Variants in SCAP observed in about 807,000 individuals in gnomAD.
SCAP encodes sterol regulatory element-binding protein cleavage-activating protein.
Under a neutral mutation model 123.6 loss-of-function variants are expected in SCAP, and 65 were observed. That is an observed-to-expected ratio of 0.53 (90% CI 0.43 to 0.65). The LOEUF (loss-of-function observed/expected upper bound fraction) is 0.65, where lower values mean the gene tolerates loss of function less well. Among genes scored for constraint, SCAP ranks in the 30% least tolerant of loss-of-function variants. SCAP has a pLI of 0.00. For synonymous variants in SCAP, 740 were observed against 726.3 expected (o/e 1.02, Z -0.30); for missense variants, 1,398 against 1,712.5 (o/e 0.82, Z 3.24).
At chr3:47,472,033 G>C (rs1425624561) in intron 1 of SCAP, among the ~76,000 whole-genome samples, 1 of 151,902 alleles carries the variant, frequency 6.6e-6, no homozygotes, top group Non-Finnish European at 1.5e-5. Context: ...CCAGCTACTC[G>C]GGAGGCTGAG....
intron 1 of SCAP, among the ~76,000 whole-genome samples, chr3:47,475,168 C>T (rs561238862): frequency 9.2e-5 from 14 of 152,232 alleles, no homozygotes; most frequent in African/African-American, 2.6e-4. Context: ...ACTGCCCCCC[C>T]CTCCGCATTC....
At chr3:47,425,702 G>T in intron 7 of SCAP, 91 bp from the exon 8 acceptor site, 1 of 1,431,708 alleles carries the variant, frequency 7.0e-7, no homozygotes, top group Non-Finnish European at 9.6e-7. Context: ...GACAGTCGAG[G>T]AAGGGAAAAC....
Position 47,418,850 on chromosome 3 carries a change from T to C in SCAP, c.1941-7A>G, listed in dbSNP as rs1387380530. ...GGGCAGCAGGCTGATGTACCTGGAT[T>C]CGGACAGTGGGCAGCCTCAGCGGGG... On this transcript the variant is annotated splice_polypyrimidine_tract_variant and splice_region_variant and intron_variant, in intron 13 of 22. Coordinates refer to ENST00000265565, the MANE Select transcript of SCAP (RefSeq NM_012235.4). 6.6e-7 allele frequency: 1 copy of C among 1,515,618 alleles called. No individual in the cohort carries two copies. The highest frequency in any genetic ancestry group is 1.3e-5 in the South Asian group (1 of 74,862). The allele number at this position is 1,515,618 out of a possible 1,614,324, so 93.9% of individuals were successfully genotyped here. A position where few individuals can be genotyped will look rare whatever the true frequency, so the allele number is the denominator to read the frequency against.
In SCAP at chr3:47,447,802, T is replaced by A. The variant is rs1707101738; in HGVS notation, c.-98-4711A>T. On this transcript the variant is annotated intron_variant, in intron 1 of 22. Transcript: ENST00000265565. ...CAGGCAGATCTCCTGAGGTCAGGAG[T>A]TCAAGACCAGCCTGGCCAACACAGT... Among the ~76,000 whole-genome samples, 4 of 150,002 alleles carry A rather than the reference T, an allele frequency of 2.7e-5. No individual in the cohort carries two copies. In the South Asian group the frequency reaches 8.4e-4, roughly 32 times the overall value.
chr3:47,420,743 A>G lies in SCAP; in HGVS notation c.1374T>C (p.Pro458=), dbSNP rs750736040. 1.2e-6 allele frequency: 2 copies of G among 1,610,842 alleles called. No homozygotes were observed. Among genetic ancestry groups the G allele is most frequent in the Non-Finnish European group, 8.5e-7 (1 of 1,179,880 alleles). ...GCTTGGCTGAGGGCAGGCAGGCCTC[A>G]GGGGGCAGTCGCTTGTTCAGGTCTG... is the stretch of plus-strand genomic sequence containing the variant. ...ELADLNKRLP[P]EACLPSAKPV... The change falls in exon 12 of 23, where the codon CCT becomes CCC. Residue 458 remains proline, a synonymous_variant. Coordinates refer to ENST00000265565, the MANE Select transcript of SCAP (RefSeq NM_012235.4). The surrounding 1 kb of genome is among the most constrained non-coding windows in gnomAD (Gnocchi z 5.0).
At chr3:47,475,062 A>G (rs983735288) in intron 1 of SCAP, among the ~76,000 whole-genome samples, 1 of 152,136 alleles carries the variant, frequency 6.6e-6, no homozygotes, top group African/African-American at 2.4e-5. Context: ...CCCCAGAAAG[A>G]GTTTATTCAC....
chr3:47,426,184 G>T lies in SCAP; in HGVS notation c.738-15C>A. ...TGCCCAGGAACCTGGTCAAGGAGCA[G>T]GGTGGGGGTAAATGGAAGTGTTGCT... On this transcript the variant is annotated splice_polypyrimidine_tract_variant and intron_variant, in intron 6 of 22. Transcript: ENST00000265565. The T allele has an allele frequency of 6.2e-7, 1 of 1,609,554 alleles. No homozygotes were observed. The highest frequency in any genetic ancestry group is 1.1e-5 in the South Asian group (1 of 90,622).
intron 10 of SCAP, among the ~76,000 whole-genome samples, chr3:47,421,917 C>T (rs564729890): frequency 6.6e-6 from 1 of 152,408 alleles, no homozygotes; most frequent in African/African-American, 2.4e-5. Flanking sequence ...TGAGTGAGGG[C>T]ACTTTGCCAA....
chr3:47,417,273 C>T (rs371169044), intron 17 of SCAP, 31 bp downstream of exon 17: 37 of 1,611,948 alleles, frequency 2.3e-5, no homozygotes, highest in East Asian at 8.9e-5. Context: ...GGCGGACAGC[C>T]GCTCTGCCCA....
intron 18 of SCAP, 53 bp from the exon 19 acceptor site, chr3:47,415,233 G>C: frequency 6.5e-7 from 1 of 1,528,808 alleles, no homozygotes. Flanking sequence ...CCCAGCCCTG[G>C]GGCTGAGCAT....
At chr3:47,461,124 C>T (rs1321887148) in intron 1 of SCAP, among the ~76,000 whole-genome samples, 1 of 152,080 alleles carries the variant, frequency 6.6e-6, no homozygotes, top group East Asian at 1.9e-4. Flanking sequence ...TCATCCTGCT[C>T]ACCGCTGGCC....
intron 2 of SCAP, among the ~76,000 whole-genome samples, chr3:47,438,606 G>A (rs1055184976): frequency 1.3e-5 from 2 of 152,096 alleles, no homozygotes; most frequent in Non-Finnish European, 2.9e-5. Context: ...GTGAGGTCAG[G>A]AGTTCAAGAC....
intron 8 of SCAP, 71 bp from the exon 9 acceptor site, chr3:47,424,116 G>T: frequency 8.4e-7 from 1 of 1,187,254 alleles, no homozygotes. Context: ...CCTCAGGAAG[G>T]CTGTGGGGTT....
intron 8 of SCAP, among the ~76,000 whole-genome samples, chr3:47,424,620 T>C (rs1205762807): frequency 6.6e-6 from 1 of 152,196 alleles, no homozygotes; most frequent in Non-Finnish European, 1.5e-5. Context: ...CCAGCCAAGT[T>C]ATACCTTGCA....
intron 20 of SCAP, 56 bp from the exon 21 acceptor site, chr3:47,414,708 T>TGG: frequency 6.2e-7 from 1 of 1,611,672 alleles, no homozygotes; most frequent in African/African-American, 1.3e-5. Context: ...AGTTATACTT[T>TGG]GGCTGGGAAA....
In SCAP at chr3:47,418,384, G is replaced by A. The variant is rs1166401633; in HGVS notation, c.2268C>T (p.Asp756=). Reference sequence around the variant, plus strand: ...TCTCGGGTGGCGCATAGCCGTAGTCGTCGCAGGGCAGCTCCCCGCGCCTCC... The same window carrying A: ...TCTCGGGTGGCGCATAGCCGTAGTCATCGCAGGGCAGCTCCCCGCGCCTCC... ...GRRRRGELPC[D]DYGYAPPETE... is the part of the protein sequence containing the mutation. The change falls in exon 15 of 23, where the codon GAC becomes GAT. Residue 756 remains aspartate (D), a synonymous_variant. Coordinates refer to ENST00000265565, the MANE Select transcript of SCAP (RefSeq NM_012235.4). 39 of 1,574,214 alleles carry A rather than the reference G, an allele frequency of 2.5e-5. No homozygotes were observed. The highest frequency in any genetic ancestry group is 8.1e-5 in the African/African-American group (6 of 74,090).
intron 1 of SCAP, among the ~76,000 whole-genome samples, chr3:47,445,395 C>T (rs1477628590): frequency 2.0e-5 from 3 of 151,656 alleles, no homozygotes; most frequent in South Asian, 2.1e-4. Flanking sequence ...TACAAGTGCC[C>T]GCCACTACGC....
rs761238914 is a variant in SCAP, at chr3:47,443,033, C to T, written c.-40G>A. The T allele has an allele frequency of 6.2e-7, 1 of 1,611,786 alleles. No individual in the cohort carries two copies. The highest frequency in any genetic ancestry group is 8.5e-7 in the Non-Finnish European group (1 of 1,179,698). On this transcript the variant is annotated 5_prime_UTR_variant, in exon 2 of 23. Coordinates refer to ENST00000265565, the MANE Select transcript of SCAP (RefSeq NM_012235.4). ...ACCTTGCTGCCATCCCGGAAAGTGA[C>T]CATGGATCACCCTGGCACACACTTG...
chr3:47,474,627 C>T (rs780399274), intron 1 of SCAP, among the ~76,000 whole-genome samples: 1 of 151,964 alleles, frequency 6.6e-6, no homozygotes, highest in Non-Finnish European at 1.5e-5. Flanking sequence ...AGACCCCCAT[C>T]TCTACAAAAA....
Sources: gnomAD v4.1 joint callset for allele counts (sites outside exome capture counted in the v4.1 genomes callset) on GRCh38, gnomAD v4.1.1 for gene constraint, Gnocchi (gnomAD v3.1) non-coding constraint, MANE v1.5 for transcripts, NCBI Gene and HGNC (gene_info 2026-07-23, HGNC 2026-07-21) for gene names.